Variants in SPHKAP observed in about 807,000 individuals in gnomAD.
SPHKAP encodes the protein A-kinase anchor protein SPHKAP.
Under a neutral mutation model 137.5 loss-of-function variants are expected in SPHKAP, and 67 were observed. The observed-to-expected ratio is 0.49, with a 90% CI of 0.40 to 0.60. The LOEUF (loss-of-function observed/expected upper bound fraction) is 0.60, where lower values mean the gene tolerates loss of function less well. Among genes scored for constraint, SPHKAP ranks in the 20% least tolerant of loss-of-function variants. The probability of loss-of-function intolerance (pLI) is 0.00; values close to 1 mark genes in which losing one functional copy is unlikely to be tolerated. For missense variants in SPHKAP, 2,097 were observed against 2,069.3 expected, an observed-to-expected ratio of 1.01 and a Z score of -0.26; for synonymous variants, 813 against 785.3, an observed-to-expected ratio of 1.04 and a Z score of -0.59.
At chr2:228,009,651 A>G (rs1345154794) in intron 7 of SPHKAP, among the ~76,000 whole-genome samples, 1 of 152,018 alleles carries the variant, frequency 6.6e-6, no homozygotes, top group Non-Finnish European at 1.5e-5. Context: ...TGAGTACTAG[A>G]TTTTGTTGTC....
intron 1 of SPHKAP, among the ~76,000 whole-genome samples, chr2:228,170,443 G>A (rs1392149877): frequency 6.6e-6 from 1 of 152,104 alleles, no homozygotes; most frequent in Non-Finnish European, 1.5e-5. Context: ...AGTTTTTCAT[G>A]AAAAGCAGAG....
In SPHKAP at chr2:227,982,149, T is replaced by C. The variant is rs183226147; in HGVS notation, c.4960-289A>G. The stretch of plus-strand genomic sequence containing the variant: ...CTTTTTTTTTTAAGAGCCAGTCTTT[T>C]AGATATTTAGTGTTTTCTTGGGTCT... On this transcript the variant is annotated intron_variant, in intron 11 of 11. Transcript: ENST00000392056. The C allele has an allele frequency of 7.4e-5, 73 of 985,198 alleles. No individual in the cohort carries two copies. The Admixed American group carries it at 1.0e-3, about 14-fold the overall frequency. The allele number at this position is 985,198 out of a possible 1,614,324, so 61.0% of individuals were successfully genotyped here.
At chr2:228,084,081 C>A (rs1697460272) in intron 3 of SPHKAP, among the ~76,000 whole-genome samples, 1 of 151,156 alleles carries the variant, frequency 6.6e-6, no homozygotes. Context: ...ACATGTACCA[C>A]CCAGAACTTA....
Position 228,073,302 on chromosome 2 carries a change from C to T in SPHKAP, c.246+35530G>A, listed in dbSNP as rs115742496. ...GCTTCAAATTGAATAAGTGTTGGTTCATACAATTCCAGATACTTGATGAAT... is the reference window on the plus strand; with the variant it reads ...GCTTCAAATTGAATAAGTGTTGGTTTATACAATTCCAGATACTTGATGAAT... On this transcript the variant is annotated intron_variant, in intron 3 of 11. Transcript: ENST00000392056. Among the ~76,000 whole-genome samples, 1,235 of 152,258 alleles carry T rather than the reference C, an allele frequency of 8.1e-3. 6 individuals carry two copies. The highest frequency in any genetic ancestry group is 0.01 in the Middle Eastern group (3 of 294).
intron 1 of SPHKAP, among the ~76,000 whole-genome samples, chr2:228,157,407 T>C (rs541657831): frequency 5.9e-5 from 9 of 152,340 alleles, no homozygotes; most frequent in African/African-American, 2.2e-4. Context: ...AGCTGTATAT[T>C]GAATATCATG....
intron 2 of SPHKAP, among the ~76,000 whole-genome samples, chr2:228,122,436 G>T (rs1340414512): frequency 1.3e-5 from 2 of 152,180 alleles, no homozygotes; most frequent in Non-Finnish European, 2.9e-5. Flanking sequence ...AGAAAAAATT[G>T]CTGGAGGCAA....
intron 1 of SPHKAP, among the ~76,000 whole-genome samples, chr2:228,170,396 G>A (rs1700547716): frequency 6.6e-6 from 1 of 152,070 alleles, no homozygotes. Context: ...TCTACTATGG[G>A]CAAAATGCTA....
chr2:228,151,757 A>C (rs1389399770), intron 1 of SPHKAP, among the ~76,000 whole-genome samples: 1 of 151,996 alleles, frequency 6.6e-6, no homozygotes, highest in Non-Finnish European at 1.5e-5. Flanking sequence ...TCTTATTATC[A>C]TTTCCTTTCT....
At chr2:228,145,743 G>A (rs547447715) in intron 1 of SPHKAP, among the ~76,000 whole-genome samples, 3 of 152,286 alleles carry the variant, frequency 2.0e-5, no homozygotes, top group Admixed American at 6.5e-5. Flanking sequence ...AAACAGAACT[G>A]AGAAAGCGGG....
intron 3 of SPHKAP, among the ~76,000 whole-genome samples, chr2:228,041,155 T>C (rs1278882855): frequency 2.0e-5 from 3 of 152,228 alleles, no homozygotes; most frequent in Non-Finnish European, 4.4e-5. Context: ...TATCAGCCAC[T>C]GGCAGTTTCT....
rs75352471 is a variant in SPHKAP, at chr2:228,167,772, G to A, written c.32+13795C>T. On this transcript the variant is annotated intron_variant, in intron 1 of 11. Transcript: ENST00000392056. ...GGCTTGTAGGACAAAAAGAAATAAG[G>A]TATGTTATGTAACTTACATTAACAC... Among the ~76,000 whole-genome samples, 461 of 152,160 alleles carry A rather than the reference G, an allele frequency of 3.0e-3. 4 individuals carry two copies. Among genetic ancestry groups the A allele is most frequent in the African/African-American group, 0.011 (453 of 41,542 alleles).
At chr2:228,038,881 T>G (rs1458139739) in intron 3 of SPHKAP, among the ~76,000 whole-genome samples, 1 of 152,216 alleles carries the variant, frequency 6.6e-6, no homozygotes, top group Non-Finnish European at 1.5e-5. Flanking sequence ...TAAACAGTTT[T>G]CTTCCCATAA....
intron 5 of SPHKAP, among the ~76,000 whole-genome samples, chr2:228,022,703 A>G (rs903519915): frequency 2.0e-5 from 3 of 152,176 alleles, no homozygotes; most frequent in Non-Finnish European, 4.4e-5. Context: ...AGAAAAGGGA[A>G]GTCAGGGTCT....
intron 6 of SPHKAP, 56 bp from the exon 7 acceptor site, chr2:228,020,212 G>T: frequency 6.6e-7 from 1 of 1,519,734 alleles, no homozygotes; most frequent in Non-Finnish European, 8.7e-7. Flanking sequence ...GTTACCATAA[G>T]TCTTAAGTAA....
At chr2:228,044,728 A>C (rs962197960) in intron 3 of SPHKAP, among the ~76,000 whole-genome samples, 9 of 152,250 alleles carry the variant, frequency 5.9e-5, no homozygotes, top group Non-Finnish European at 1.3e-4. Context: ...AGTGAGTAGG[A>C]TAACAACTAG....
At chr2:228,129,433 T>C (rs1699178053) in intron 2 of SPHKAP, among the ~76,000 whole-genome samples, 1 of 152,176 alleles carries the variant, frequency 6.6e-6, no homozygotes, top group African/African-American at 2.4e-5. Flanking sequence ...GAGAAACCAG[T>C]ATTATATCCC....
chr2:228,177,697 T>C (rs892963428), intron 1 of SPHKAP, among the ~76,000 whole-genome samples: 8 of 152,194 alleles, frequency 5.3e-5, no homozygotes, highest in African/African-American at 1.9e-4. Flanking sequence ...TTCCTGGAAC[T>C]AACATACTGA....
chr2:228,018,835 A>G lies in SPHKAP; in HGVS notation c.2019T>C (p.Asn673=), dbSNP rs751988243. The change falls in exon 7 of 12, where the codon AAT becomes AAC. Residue 673 remains asparagine, a synonymous_variant. Coordinates refer to ENST00000392056, the MANE Select transcript of SPHKAP (RefSeq NM_001142644.2). Reference sequence around the variant, plus strand: ...CATCAATGGAATGCCTCAGGATAACATTGGACAGGGTATGTGCCAGTTCAT... The same window carrying G: ...CATCAATGGAATGCCTCAGGATAACGTTGGACAGGGTATGTGCCAGTTCAT... ...VRNELAHTLS[N]VILRHSIDEV... The G allele has an allele frequency of 2.2e-5, 36 of 1,614,104 alleles. No individual in the cohort carries two copies. Among genetic ancestry groups the G allele is most frequent in the Non-Finnish European group, 2.8e-5 (33 of 1,180,042 alleles).
At chr2:228,080,944 C>T (rs1697348444) in intron 3 of SPHKAP, among the ~76,000 whole-genome samples, 2 of 151,698 alleles carry the variant, frequency 1.3e-5, no homozygotes, top group African/African-American at 2.4e-5. Context: ...GGAGGTTCCT[C>T]AAAAAATTAA....
Sources: gnomAD v4.1 joint callset for allele counts (sites outside exome capture counted in the v4.1 genomes callset) on GRCh38, gnomAD v4.1.1 for gene constraint, MANE v1.5 for transcripts, NCBI Gene and HGNC (gene_info 2026-07-23, HGNC 2026-07-21) for gene names.